The following MSL2 variants were observed in gnomAD, a reference collection of about 807,000 sequenced individuals.
MSL2 encodes the protein MSL complex subunit 2, also known as E3 ubiquitin-protein ligase MSL2.
MSL2 carries 2 observed loss-of-function variants against 35.8 expected under a neutral mutation model. The ratio of observed to expected loss-of-function variants is 0.06; its 90% CI spans 0.02 to 0.18. MSL2 has a LOEUF of 0.18. Ranked by LOEUF, MSL2 falls within the 10% of genes least tolerant of loss-of-function variation. The probability of loss-of-function intolerance (pLI) is 1.00; values close to 1 mark genes in which losing one functional copy is unlikely to be tolerated. For synonymous variants in MSL2, 296 were observed against 255.7 expected, an observed-to-expected ratio of 1.16 and a Z score of -1.50; for missense variants, 523 against 706.7, an observed-to-expected ratio of 0.74 and a Z score of 2.95.
chr3:136,175,292 C>T (rs547136154), intron 1 of MSL2, among the ~76,000 whole-genome samples: 12 of 150,716 alleles, frequency 8.0e-5, no homozygotes, highest in African/African-American at 1.7e-4. Flanking sequence ...TGCAGTGAGC[C>T]GAGATCGCGC....
chr3:136,180,751 A>T (rs1246237748), intron 1 of MSL2, among the ~76,000 whole-genome samples: 2 of 89,822 alleles, frequency 2.2e-5, no homozygotes, highest in Non-Finnish European at 4.4e-5. Flanking sequence ...GAGAGGAGGG[A>T]AGGAGGGAAG....
Position 136,151,026 on chromosome 3 carries a change from A to C in MSL2, c.*121T>G. ...CACTAACACATATAACTTAGCAATG[A>C]AAACACTTGATACAAGTGATCTATA... On this transcript the variant is annotated 3_prime_UTR_variant, in exon 2 of 2. Coordinates refer to ENST00000309993, the MANE Select transcript of MSL2 (RefSeq NM_018133.4). The surrounding 1 kb of genome is among the most constrained non-coding windows in gnomAD (Gnocchi z 5.2). The C allele has an allele frequency of 1.8e-6, 2 of 1,114,508 alleles. No individual in the cohort carries two copies. Among genetic ancestry groups the C allele is most frequent in the Non-Finnish European group, 2.6e-6 (2 of 771,768 alleles). The allele number at this position is 1,114,508 out of a possible 1,614,324, so 69.0% of individuals were successfully genotyped here. A position where few individuals can be genotyped will look rare whatever the true frequency, so the allele number is the denominator to read the frequency against.
chr3:136,159,830 A>C (rs1404917332), intron 1 of MSL2, among the ~76,000 whole-genome samples: 3 of 152,008 alleles, frequency 2.0e-5, no homozygotes, highest in African/African-American at 7.2e-5. Flanking sequence ...AAGAAAACGG[A>C]GAAGAAAATC....
Position 136,195,761 on chromosome 3 carries a change from C to A in MSL2, c.-648G>T. 1.0e-6 allele frequency: 1 copy of A among 985,266 alleles called. No homozygotes were observed. Among genetic ancestry groups the A allele is most frequent in the Non-Finnish European group, 1.2e-6 (1 of 829,868 alleles). The allele number at this position is 985,266 out of a possible 1,614,324, so 61.0% of individuals were successfully genotyped here. A position where few individuals can be genotyped will look rare whatever the true frequency, so the allele number is the denominator to read the frequency against. ...GCCCAGACTGCGCCCTGGCTCTCCG[C>A]CCCGTGGGTTGCAGCCCGCAGTTCC... On this transcript the variant is annotated 5_prime_UTR_variant, in exon 1 of 2. Transcript: ENST00000309993.
chr3:136,178,189 T>C (rs1400622987), intron 1 of MSL2, among the ~76,000 whole-genome samples: 1 of 152,166 alleles, frequency 6.6e-6, no homozygotes, highest in East Asian at 1.9e-4. Flanking sequence ...AATAACTAAG[T>C]AGGGGAGGCT....
intron 1 of MSL2, among the ~76,000 whole-genome samples, chr3:136,169,074 G>C (rs374087732): frequency 2.0e-4 from 30 of 152,074 alleles, no homozygotes; most frequent in African/African-American, 7.2e-4. Context: ...ATTTTTAATG[G>C]ATGACAAGAG....
chr3:136,155,714 C>T, intron 1 of MSL2: 1 of 501,052 alleles, frequency 2.0e-6, no homozygotes, highest in South Asian at 1.6e-5. Flanking sequence ...ATGCTGGGGT[C>T]CTTTTGTGCC....
intron 1 of MSL2, 109 bp downstream of exon 1, chr3:136,194,863 T>C (rs1002526074): frequency 3.4e-5 from 51 of 1,509,414 alleles, no homozygotes; most frequent in Admixed American, 6.2e-5. Context: ...GCTGCACAAA[T>C]AACAAAAGCT....
intron 1 of MSL2, among the ~76,000 whole-genome samples, chr3:136,165,485 G>C (rs933550039): frequency 1.3e-5 from 2 of 152,030 alleles, no homozygotes; most frequent in East Asian, 1.9e-4. Context: ...CATAGTTTTA[G>C]GATACCACAA....
At position 136,195,464 on chromosome 3, in the gene MSL2, C is replaced by G; in HGVS notation, c.-351G>C. ...CCCGCGGCTCGGCAGGCGGCCTGCA[C>G]TCGAGCTCCATCTCCGGACACGGAG... On this transcript the variant is annotated 5_prime_UTR_variant, in exon 1 of 2. Transcript: ENST00000309993. 9.7e-7 allele frequency: 1 copy of G among 1,033,714 alleles called. No individual in the cohort carries two copies. The highest frequency in any genetic ancestry group is 3.7e-5 in the South Asian group (1 of 27,160). 64.0% of individuals were successfully genotyped at this position (1,033,714 alleles called of 1,614,324 possible).
intron 1 of MSL2, among the ~76,000 whole-genome samples, chr3:136,170,569 C>T (rs1243953251): frequency 8.0e-6 from 1 of 124,768 alleles, no homozygotes; most frequent in African/African-American, 3.1e-5. Flanking sequence ...GGCTGGAGTG[C>T]AGTGGCGTGA....
At chr3:136,168,674 C>T (rs139163928) in intron 1 of MSL2, among the ~76,000 whole-genome samples, 178 of 152,046 alleles carry the variant, frequency 1.2e-3, no homozygotes, top group African/African-American at 4.1e-3. Context: ...TTGATGGGTG[C>T]AGCAAACCAC....
At position 136,149,598 on chromosome 3, in the gene MSL2, AAAG is replaced by A. The variant is rs1198313351; in HGVS notation, c.*1546_*1548del. 6.6e-5 allele frequency: 10 copies of A among 151,180 alleles called. No homozygotes were observed. Among genetic ancestry groups the A allele is most frequent in the African/African-American group, 2.2e-4 (9 of 41,204 alleles). 9.4% of individuals were successfully genotyped at this position (151,180 alleles called of 1,614,324 possible). On this transcript the variant is annotated 3_prime_UTR_variant, in exon 2 of 2. Transcript: ENST00000309993. ...CCACCAAAAGAGACCAAAAAAAAAA[AAAG>A]AAAAAAAAGCCCAACAACAACAACA...
At chr3:136,169,302 G>A (rs1043472799) in intron 1 of MSL2, among the ~76,000 whole-genome samples, 3 of 145,174 alleles carry the variant, frequency 2.1e-5, no homozygotes, top group Admixed American at 7.3e-5. Context: ...GCATATGTAT[G>A]GGGGTACACG....
intron 1 of MSL2, among the ~76,000 whole-genome samples, chr3:136,169,348 A>G (rs1939952707): frequency 6.6e-6 from 1 of 151,634 alleles, no homozygotes. Context: ...GTAACAATCA[A>G]ATGAGGCTAA....
chr3:136,187,207 C>T (rs371192880), intron 1 of MSL2, among the ~76,000 whole-genome samples: 1 of 152,100 alleles, frequency 6.6e-6, no homozygotes. Flanking sequence ...CGAGATAAAC[C>T]CAACTACGAC....
rs1379992884 is a variant in MSL2, at chr3:136,180,786, G to GA, written c.142+14185dup. On this transcript the variant is annotated intron_variant, in intron 1 of 1. Coordinates refer to ENST00000309993, the MANE Select transcript of MSL2 (RefSeq NM_018133.4). ...GGAGGGAGGGAGGGAGGGAGGGAGGGAGGGAGGGAGGGAGGGAGGGAGGGA... is the reference window on the plus strand; with the variant it reads ...GGAGGGAGGGAGGGAGGGAGGGAGGGAAGGGAGGGAGGGAGGGAGGGAGGGA... Among the ~76,000 whole-genome samples, 609 of 77,036 alleles carry GA rather than the reference G, an allele frequency of 7.9e-3. 24 individuals are homozygous for GA. Among genetic ancestry groups the GA allele is most frequent in the Non-Finnish European group, 0.012 (465 of 37,238 alleles). The allele number at this position is 77,036 out of a possible 152,430, so 50.5% of individuals were successfully genotyped here.
At chr3:136,159,333 A>G (rs1008043509) in intron 1 of MSL2, among the ~76,000 whole-genome samples, 1 of 148,248 alleles carries the variant, frequency 6.7e-6, no homozygotes, top group Non-Finnish European at 1.5e-5. Flanking sequence ...AGATGATTCA[A>G]TGGGGAAAGG....
intron 1 of MSL2, among the ~76,000 whole-genome samples, chr3:136,159,372 T>G (rs1939632829): frequency 7.3e-6 from 1 of 137,892 alleles, no homozygotes. Context: ...TTTTTTTTTT[T>G]TTTTTTTTTG....
Sources: gnomAD v4.1 joint callset for allele counts (sites outside exome capture counted in the v4.1 genomes callset) on GRCh38, gnomAD v4.1.1 for gene constraint, Gnocchi (gnomAD v3.1) non-coding constraint, MANE v1.5 for transcripts, NCBI Gene and HGNC (gene_info 2026-07-23, HGNC 2026-07-21) for gene names.